Variants in IKBKB observed in about 807,000 individuals in gnomAD.
The protein encoded by IKBKB is inhibitor of nuclear factor kappa-B kinase subunit beta.
Under a neutral mutation model 113.6 loss-of-function variants are expected in IKBKB, and 42 were observed. That is an observed-to-expected ratio of 0.37 (90% confidence interval 0.29 to 0.48). The LOEUF is 0.48. Ranked by LOEUF, IKBKB falls within the 20% of genes least tolerant of loss-of-function variation. The pLI is 0.99. For synonymous variants in IKBKB, 296 were observed against 361.3 expected (o/e 0.82, Z 2.05); for missense variants, 673 against 939.7 (o/e 0.72, Z 3.71).
At chr8:42,299,420 C>T (rs374420801) in intron 5 of IKBKB, among the ~76,000 whole-genome samples, 10 of 152,190 alleles carry the variant, frequency 6.6e-5, no homozygotes, top group African/African-American at 2.2e-4. Context: ...GCCCCTTCGC[C>T]GTACCTTTCT....
chr8:42,328,381 G>C (rs903912499), intron 20 of IKBKB, among the ~76,000 whole-genome samples: 1 of 151,974 alleles, frequency 6.6e-6, no homozygotes. Flanking sequence ...CTAGCTAGAG[G>C]CCCCATAGAT....
chr8:42,319,067 T>C (rs1465447102), intron 13 of IKBKB, among the ~76,000 whole-genome samples: 1 of 152,204 alleles, frequency 6.6e-6, no homozygotes, highest in African/African-American at 2.4e-5. Flanking sequence ...CTTTGCCTGA[T>C]GTCAAGTTTA....
chr8:42,285,787 A>G (rs930841555), intron 2 of IKBKB, among the ~76,000 whole-genome samples: 1 of 152,226 alleles, frequency 6.6e-6, no homozygotes, highest in South Asian at 2.1e-4. Flanking sequence ...CCTTGGAAAC[A>G]GTGCTCAGGG....
chr8:42,325,374 T>C, intron 19 of IKBKB: 1 of 986,188 alleles, frequency 1.0e-6, no homozygotes, highest in East Asian at 1.1e-4. Context: ...AAGAATACTT[T>C]CCTGTTCTTT....
At chr8:42,296,146 A>G (rs1667648123) in intron 5 of IKBKB, among the ~76,000 whole-genome samples, 1 of 152,244 alleles carries the variant, frequency 6.6e-6, no homozygotes, top group African/African-American at 2.4e-5. Context: ...CACAAACTTC[A>G]GTCACTGCTT....
intron 21 of IKBKB, chr8:42,329,624 C>T (rs773193277): frequency 3.5e-5 from 34 of 984,280 alleles, no homozygotes; most frequent in Non-Finnish European, 3.6e-5. Flanking sequence ...CACTTAATTC[C>T]GATGATGAGG....
intron 5 of IKBKB, 133 bp downstream of exon 5, chr8:42,293,645 C>T (rs571569074): frequency 4.4e-5 from 67 of 1,505,808 alleles, no homozygotes; most frequent in Admixed American, 5.8e-5. Flanking sequence ...AGCCCAGGGA[C>T]GGGGGACCCT....
intron 21 of IKBKB, chr8:42,329,938 A>G: frequency 1.0e-6 from 1 of 985,452 alleles, no homozygotes; most frequent in Non-Finnish European, 1.2e-6. Context: ...ATTACAAGGG[A>G]TACCACTGTG....
intron 2 of IKBKB, among the ~76,000 whole-genome samples, chr8:42,276,332 TC>T (rs1334908964): frequency 6.6e-6 from 1 of 152,242 alleles, no homozygotes; most frequent in African/African-American, 2.4e-5. Flanking sequence ...TTTGCATTTG[TC>T]TGATGATTAG....
At chr8:42,308,224 C>A (rs1228242351) in intron 7 of IKBKB, among the ~76,000 whole-genome samples, 5 of 152,056 alleles carry the variant, frequency 3.3e-5, no homozygotes, top group Non-Finnish European at 1.5e-5. Context: ...CGACTGTGTC[C>A]TGCCTTAAGC....
rs373650335 is a variant in IKBKB, at chr8:42,300,897, C to G, written c.389-4290C>G. On this transcript the variant is annotated intron_variant, in intron 5 of 21. Coordinates refer to ENST00000520810, the MANE Select transcript of IKBKB (RefSeq NM_001556.3). ...AGAGGCAGGGTCTTGCTCTGTTGTC[C>G]GGGCTAGAGTGCAGTGGCACGATCA... Among the ~76,000 whole-genome samples the G allele has an allele frequency of 1.5e-4, 23 of 152,166 alleles. 1 individual carries two copies. Among genetic ancestry groups the G allele is most frequent in the Admixed American group, 1.5e-3 (23 of 15,272 alleles).
intron 2 of IKBKB, among the ~76,000 whole-genome samples, chr8:42,273,964 C>G (rs1007353345): frequency 3.3e-5 from 5 of 152,158 alleles, no homozygotes; most frequent in Non-Finnish European, 7.3e-5. Flanking sequence ...GTGTTCATCA[C>G]TTGAAACACG....
intron 7 of IKBKB, among the ~76,000 whole-genome samples, chr8:42,308,214 C>T (rs1002818716): frequency 6.6e-6 from 1 of 151,944 alleles, no homozygotes; most frequent in African/African-American, 2.4e-5. Flanking sequence ...ACAGTGCCCA[C>T]GACTGTGTCC....
chr8:42,292,633 T>C (rs1179872780), intron 4 of IKBKB, among the ~76,000 whole-genome samples: 3 of 152,212 alleles, frequency 2.0e-5, no homozygotes, highest in African/African-American at 4.8e-5. Flanking sequence ...TGTTTATGAA[T>C]ATGACGTGAA....
intron 5 of IKBKB, among the ~76,000 whole-genome samples, chr8:42,303,092 T>TGAGA (rs763171765): frequency 6.1e-4 from 43 of 70,160 alleles, no homozygotes; most frequent in Middle Eastern, 8.6e-3. Context: ...AGAGAGAGAA[T>TGAGA]GAGAGAGAGA....
chr8:42,331,304 A>G lies in IKBKB; in HGVS notation c.*325A>G. 2.8e-6 allele frequency: 2 copies of G among 702,486 alleles called. No individual in the cohort carries two copies. The highest frequency in any genetic ancestry group is 5.2e-6 in the Non-Finnish European group (2 of 385,084). The allele number at this position is 702,486 out of a possible 1,614,324, so 43.5% of individuals were successfully genotyped here. On this transcript the variant is annotated 3_prime_UTR_variant, in exon 22 of 22. Coordinates refer to ENST00000520810, the MANE Select transcript of IKBKB (RefSeq NM_001556.3). ...CACATCGCTGGCCCCACAAACGTTCAGGGGTACAGCCATGGCAGCTCCTTC... is the reference window on the plus strand; with the variant it reads ...CACATCGCTGGCCCCACAAACGTTCGGGGGTACAGCCATGGCAGCTCCTTC...
intron 5 of IKBKB, among the ~76,000 whole-genome samples, chr8:42,297,730 A>G (rs1814187860): frequency 6.6e-6 from 1 of 152,164 alleles, no homozygotes. Context: ...CCCCATCTCT[A>G]CTAAAAATAC....
chr8:42,321,920 C>G lies in IKBKB; in HGVS notation c.1713C>G (p.Tyr571Ter). The G allele has an allele frequency of 6.2e-7, 1 of 1,613,180 alleles. No individual in the cohort carries two copies. Among genetic ancestry groups the G allele is most frequent in the Non-Finnish European group, 8.5e-7 (1 of 1,179,434 alleles). ...GAGAGGAGCAAGCAAGGGAGCTGTA[C>G]AGGAGACTAAGGGAAAAACCTCGAG... ...DDLEEQAREL[Y>*]RRLREKPRDQ... The change falls in exon 17 of 22, where the codon TAC (tyrosine) becomes TAG (stop). Residue 571 changes from tyrosine to a stop codon, truncating the protein, a stop_gained. Coordinates refer to ENST00000520810, the MANE Select transcript of IKBKB (RefSeq NM_001556.3). LOFTEE classifies it high-confidence loss of function.
At chr8:42,329,630 T>G in intron 21 of IKBKB, 1 of 984,938 alleles carries the variant, frequency 1.0e-6, no homozygotes, top group Non-Finnish European at 1.2e-6. Flanking sequence ...ATTCCGATGA[T>G]GAGGAAGAAG....
Sources: gnomAD v4.1 joint callset for allele counts (sites outside exome capture counted in the v4.1 genomes callset) on GRCh38, gnomAD v4.1.1 for gene constraint, MANE v1.5 for transcripts, NCBI Gene and HGNC (gene_info 2026-07-23, HGNC 2026-07-21) for gene names.